The following DYNLRB2 variants were observed in gnomAD, a reference collection of about 807,000 sequenced individuals.
DYNLRB2 encodes dynein light chain roadblock-type 2.
DYNLRB2 carries 14 observed loss-of-function variants against 12.6 expected under a neutral mutation model. That is an observed-to-expected ratio of 1.11 (90% CI 0.73 to 1.73). DYNLRB2 has a LOEUF of 1.73. DYNLRB2 is among the 40% of genes most tolerant of loss of function. The probability of loss-of-function intolerance (pLI) is 0.00; values close to 1 mark genes in which losing one functional copy is unlikely to be tolerated. For synonymous variants in DYNLRB2, 53 were observed against 37.0 expected, an observed-to-expected ratio of 1.43 and a Z score of -1.57; for missense variants, 142 against 117.7, an observed-to-expected ratio of 1.21 and a Z score of -0.95.
chr16:80,541,835 G>C (rs968515798), intron 1 of DYNLRB2, among the ~76,000 whole-genome samples: 3 of 152,194 alleles, frequency 2.0e-5, no homozygotes, highest in Non-Finnish European at 2.9e-5. Context: ...TCGTCTTAAA[G>C]ATTGCCCAAA....
rs775659372 is a variant in DYNLRB2 at position 80,545,666 on chromosome 16, C to CTT, written c.79+2333_79+2334dup. Among the ~76,000 whole-genome samples, 155 of 74,910 alleles carry CTT rather than the reference C, an allele frequency of 2.1e-3. 15 individuals are homozygous for CTT. The highest frequency in any genetic ancestry group is 7.1e-3 in the African/African-American group (152 of 21,536). 49.1% of individuals were successfully genotyped at this position (74,910 alleles called of 152,430 possible). On this transcript the variant is annotated intron_variant, in intron 2 of 3. Coordinates refer to ENST00000305904, the MANE Select transcript of DYNLRB2 (RefSeq NM_130897.3). Reference sequence around the variant, plus strand: ...TATTATTTTCAGTACCCATTAGCTTCTTTTTTTTTTTTTTTTTTTGAGATG... The same window carrying CTT: ...TATTATTTTCAGTACCCATTAGCTTCTTTTTTTTTTTTTTTTTTTTTGAGATG...
At chr16:80,550,298 G>T (rs1030406543) in intron 3 of DYNLRB2, among the ~76,000 whole-genome samples, 1 of 152,108 alleles carries the variant, frequency 6.6e-6, no homozygotes, top group African/African-American at 2.4e-5. Context: ...CCATTCCTGG[G>T]ACTGCACCCC....
chr16:80,543,226 G>A (rs768896817), intron 1 of DYNLRB2, 50 bp from the exon 2 acceptor site: 1 of 1,578,896 alleles, frequency 6.3e-7, no homozygotes, highest in Non-Finnish European at 8.7e-7. Context: ...CCTTAGGGTT[G>A]AAGTTACCAC....
chr16:80,547,208 A>C (rs1904528035), intron 2 of DYNLRB2, among the ~76,000 whole-genome samples: 1 of 152,234 alleles, frequency 6.6e-6, no homozygotes, highest in African/African-American at 2.4e-5. Context: ...AAAGAGTATT[A>C]AATTTAAAAA....
At chr16:80,549,210 A>G in intron 2 of DYNLRB2, 1 of 375,432 alleles carries the variant, frequency 2.7e-6, no homozygotes, top group East Asian at 5.0e-5. Flanking sequence ...AATAATGTTG[A>G]TGACATTGTC....
upstream of DYNLRB2, chr16:80,540,871 C>G (rs1184032390): frequency 1.1e-6 from 1 of 874,306 alleles, no homozygotes; most frequent in South Asian, 1.4e-5. Context: ...GCCTGCTCCC[C>G]TCTTCCGCGA....
intron 2 of DYNLRB2, among the ~76,000 whole-genome samples, chr16:80,546,851 A>G (rs1209927567): frequency 1.3e-5 from 2 of 152,256 alleles, no homozygotes; most frequent in Admixed American, 6.5e-5. Flanking sequence ...TATCAACCAA[A>G]GCACAAATGT....
chr16:80,540,983 T>G (rs1909288973), upstream of DYNLRB2: 10 of 1,582,754 alleles, frequency 6.3e-6, no homozygotes, highest in African/African-American at 1.3e-5. Context: ...GTGGGGCCAC[T>G]TCCTTTTTTG....
chr16:80,546,723 T>A (rs1904490179), intron 2 of DYNLRB2, among the ~76,000 whole-genome samples: 1 of 152,246 alleles, frequency 6.6e-6, no homozygotes. Context: ...TGTATATAAG[T>A]CTGATTTCTA....
intron 2 of DYNLRB2, 110 bp downstream of exon 2, chr16:80,543,461 T>A: frequency 1.8e-5 from 18 of 999,514 alleles, no homozygotes; most frequent in Non-Finnish European, 2.7e-5. Context: ...AAAATATATT[T>A]ATATATTTTA....
intron 2 of DYNLRB2, among the ~76,000 whole-genome samples, chr16:80,547,142 C>T (rs566161469): frequency 1.8e-4 from 27 of 152,270 alleles, no homozygotes; most frequent in South Asian, 1.4e-3. Context: ...CCCATTCAAC[C>T]GACTGTTATT....
At chr16:80,542,181 A>G (rs910122829) in intron 1 of DYNLRB2, among the ~76,000 whole-genome samples, 1 of 152,120 alleles carries the variant, frequency 6.6e-6, no homozygotes, top group Non-Finnish European at 1.5e-5. Context: ...TTTTACAGTT[A>G]TTTCTATTTA....
Position 80,550,608 on chromosome 16 carries a change from GCT to G in DYNLRB2, c.*56_*57del, listed in dbSNP as rs750173368. ...AGCGACACTGGGTTGGAAACACTTGGCTCTCTCATGAGTATTAAAATTCTATT... is the reference window on the plus strand; with the variant it reads ...AGCGACACTGGGTTGGAAACACTTGGCTCTCATGAGTATTAAAATTCTATT... On this transcript the variant is annotated 3_prime_UTR_variant, in exon 4 of 4. Coordinates refer to ENST00000305904, the MANE Select transcript of DYNLRB2 (RefSeq NM_130897.3). The G allele has an allele frequency of 2.9e-5, 46 of 1,591,156 alleles. No individual in the cohort carries two copies. The highest frequency in any genetic ancestry group is 4.4e-5 in the South Asian group (4 of 90,440).
chr16:80,546,701 C>T (rs1218572455), intron 2 of DYNLRB2, among the ~76,000 whole-genome samples: 6 of 152,146 alleles, frequency 3.9e-5, no homozygotes, highest in Non-Finnish European at 8.8e-5. Context: ...TCAGATCTGT[C>T]GTATTTTCTT....
At chr16:80,540,769 A>G (rs1198759391), upstream of DYNLRB2, 2 of 703,174 alleles carry the variant, frequency 2.8e-6, no homozygotes, top group Non-Finnish European at 2.6e-6. Flanking sequence ...CAATGAATGA[A>G]TGAATGGACA....
rs1392262217 is a variant in DYNLRB2, at chr16:80,549,743, T to A, written c.247+92T>A. 9.4e-6 allele frequency: 12 copies of A among 1,280,736 alleles called. No homozygotes were observed. The Admixed American group carries it at 2.8e-4, about 30-fold the overall frequency. The allele number at this position is 1,280,736 out of a possible 1,614,324, so 79.3% of individuals were successfully genotyped here. A position where few individuals can be genotyped will look rare whatever the true frequency, so the allele number is the denominator to read the frequency against. On this transcript the variant is annotated intron_variant, in intron 3 of 3. Coordinates refer to ENST00000305904, the MANE Select transcript of DYNLRB2 (RefSeq NM_130897.3). Reference sequence around the variant, plus strand: ...TATGAATGGTAAGTACAGATTTTAGTATAGAATATAAAACATAATATTCTT... The same window carrying A: ...TATGAATGGTAAGTACAGATTTTAGAATAGAATATAAAACATAATATTCTT...
intron 2 of DYNLRB2, among the ~76,000 whole-genome samples, chr16:80,546,064 T>C (rs112690859): frequency 1.2e-3 from 181 of 152,316 alleles, no homozygotes; most frequent in African/African-American, 3.9e-3. Flanking sequence ...TAAGAGTTTT[T>C]ACCTGAAAGC....
chr16:80,545,586 C>G (rs762483155), intron 2 of DYNLRB2, among the ~76,000 whole-genome samples: 1 of 149,796 alleles, frequency 6.7e-6, no homozygotes, highest in East Asian at 2.0e-4. Context: ...GTGATTTTCA[C>G]TTTATTTTCC....
rs923740303 is a variant in DYNLRB2, at chr16:80,550,501, C to T, written c.248-14C>T. On this transcript the variant is annotated splice_polypyrimidine_tract_variant and intron_variant, in intron 3 of 3. Transcript: ENST00000305904. The stretch of plus-strand genomic sequence containing the variant: ...TAAATTAAGGGTGAATTGATTTTAT[C>T]CATCTCTCCATAGATAAGGAATATC... 6.2e-7 allele frequency: 1 copy of T among 1,613,826 alleles called. No individual in the cohort carries two copies. The highest frequency in any genetic ancestry group is 1.3e-5 in the African/African-American group (1 of 74,884).
Sources: gnomAD v4.1 joint callset for allele counts (sites outside exome capture counted in the v4.1 genomes callset) on GRCh38, gnomAD v4.1.1 for gene constraint, MANE v1.5 for transcripts, NCBI Gene and HGNC (gene_info 2026-07-23, HGNC 2026-07-21) for gene names.